PCDHA1: variants seen among roughly 807,000 people sequenced by gnomAD.
PCDHA1 encodes protocadherin alpha-1.
In PCDHA1, 42 loss-of-function variants were observed where a neutral mutation model predicts 61.3. That is an observed-to-expected ratio of 0.69 (90% confidence interval 0.54 to 0.89). The LOEUF (loss-of-function observed/expected upper bound fraction) is 0.89. PCDHA1 is among the 40% of genes least tolerant of loss of function. The pLI is 0.00. For missense variants in PCDHA1, 1,256 were observed against 1,235.3 expected, an observed-to-expected ratio of 1.02 and a Z score of -0.25; for synonymous variants, 610 against 553.8, an observed-to-expected ratio of 1.10 and a Z score of -1.43.
intron 1 of PCDHA1, chr5:140,853,528 C>A (rs75012399): frequency 0.045 from 43,855 of 978,338 alleles, 4,320 homozygotes; most frequent in Non-Finnish European, 0.05. Flanking sequence ...CCTCCTATGT[C>A]TCTTTTCAAG....
intron 1 of PCDHA1, chr5:140,835,180 C>A: frequency 6.6e-7 from 1 of 1,515,706 alleles, no homozygotes; most frequent in Non-Finnish European, 8.9e-7. Context: ...CACCCCAATG[C>A]CTCAGATTTA....
intron 3 of PCDHA1, among the ~76,000 whole-genome samples, chr5:141,007,961 C>G (rs1554261577): frequency 6.6e-6 from 1 of 152,176 alleles, no homozygotes; most frequent in East Asian, 1.9e-4. Flanking sequence ...TGCTCATTCT[C>G]TGGGTGTCTG....
At chr5:140,862,618 C>CCG in intron 1 of PCDHA1, 1 of 526,556 alleles carries the variant, frequency 1.9e-6, no homozygotes, top group Non-Finnish European at 3.9e-6. Context: ...AGGTAACAAC[C>CCG]CGCGGGGCTG....
intron 1 of PCDHA1, among the ~76,000 whole-genome samples, chr5:140,933,012 A>G (rs1554209160): frequency 6.6e-6 from 1 of 152,008 alleles, no homozygotes; most frequent in Middle Eastern, 3.2e-3. Flanking sequence ...CGGAAATATT[A>G]ACACTTGGCA....
chr5:140,910,200 A>C (rs1471024317), intron 1 of PCDHA1, among the ~76,000 whole-genome samples: 1 of 152,200 alleles, frequency 6.6e-6, no homozygotes, highest in East Asian at 1.9e-4. Flanking sequence ...TCTTTTGTCC[A>C]CTTGACCTGG....
Position 140,803,101 on chromosome 5 carries a change from G to A in PCDHA1, c.2394+14417G>A, listed in dbSNP as rs1763115114. 6 of 1,613,840 alleles carry A rather than the reference G, an allele frequency of 3.7e-6. No individual in the cohort carries two copies. In the East Asian group the frequency reaches 1.3e-4, roughly 36 times the overall value. On this transcript the variant is annotated intron_variant, in intron 1 of 3. Transcript: ENST00000504120. ...TACACGGGAGAGATCAGCACGACCC[G>A]TGCCCTGGACGAGGTGGACGCCCCG...
intron 1 of PCDHA1, among the ~76,000 whole-genome samples, chr5:140,885,615 AAT>A (rs1411025177): frequency 6.6e-6 from 1 of 152,162 alleles, no homozygotes; most frequent in African/African-American, 2.4e-5. Context: ...TTAATTATAA[AAT>A]ATGTCACTGG....
chr5:140,822,988 T>C, intron 1 of PCDHA1: 1 of 1,614,222 alleles, frequency 6.2e-7, no homozygotes, highest in South Asian at 1.1e-5. Context: ...GAATTACTAC[T>C]CGTTGGTGCT....
At chr5:140,954,623 G>C (rs1277762311) in intron 1 of PCDHA1, among the ~76,000 whole-genome samples, 2 of 151,776 alleles carry the variant, frequency 1.3e-5, no homozygotes, top group African/African-American at 4.8e-5. Flanking sequence ...GGCTTGTTTG[G>C]GTTTTTCTTG....
At chr5:140,882,543 G>T (rs1357197569) in intron 1 of PCDHA1, 4 of 1,614,236 alleles carry the variant, frequency 2.5e-6, no homozygotes, top group Non-Finnish European at 3.4e-6. Context: ...CGGATCGACC[G>T]CGAGGAGCTG....
At chr5:140,843,305 A>C (rs2150356964) in intron 1 of PCDHA1, 9 of 1,595,822 alleles carry the variant, frequency 5.6e-6, no homozygotes, top group Non-Finnish European at 7.7e-6. Flanking sequence ...GCTGACCGCC[A>C]CGGCCACGGT....
At chr5:140,915,622 T>TTCTC (rs1418940406) in intron 1 of PCDHA1, among the ~76,000 whole-genome samples, 2 of 128,520 alleles carry the variant, frequency 1.6e-5, no homozygotes, top group South Asian at 2.5e-4. Flanking sequence ...AACAGTCTCT[T>TTCTC]TCTGTCTCTC....
chr5:140,871,760 G>C lies in PCDHA1; in HGVS notation c.2394+83076G>C, dbSNP rs191249350. Among the ~76,000 whole-genome samples the C allele has an allele frequency of 5.4e-3, 815 of 152,314 alleles. 3 individuals are homozygous for C. Among genetic ancestry groups the C allele is most frequent in the Middle Eastern group, 0.014 (4 of 294 alleles). The stretch of plus-strand genomic sequence containing the variant: ...AAATCCTAAAAGAAATGAGATGCAA[G>C]AGTGACTCTTCTGTAGTCACTTGAG... On this transcript the variant is annotated intron_variant, in intron 1 of 3. Coordinates refer to ENST00000504120, the MANE Select transcript of PCDHA1 (RefSeq NM_018900.4).
intron 1 of PCDHA1, chr5:140,796,698 T>A (rs1554120057): frequency 1.2e-6 from 2 of 1,613,802 alleles, no homozygotes; most frequent in African/African-American, 2.7e-5. Flanking sequence ...GCGCAGTGAG[T>A]GAGCTGGTGC....
chr5:140,842,799 C>A, intron 1 of PCDHA1: 1 of 1,594,426 alleles, frequency 6.3e-7, no homozygotes, highest in Non-Finnish European at 8.6e-7. Flanking sequence ...GTGTCCTACT[C>A]GCTTGTGGAG....
chr5:140,910,055 T>A (rs1554194090), intron 1 of PCDHA1, among the ~76,000 whole-genome samples: 1 of 152,218 alleles, frequency 6.6e-6, no homozygotes, highest in Non-Finnish European at 1.5e-5. Flanking sequence ...TAATAAGTGA[T>A]CTTTTAACAG....
At chr5:140,859,573 C>T (rs1254151950) in intron 1 of PCDHA1, 4 of 174,136 alleles carry the variant, frequency 2.3e-5, no homozygotes, top group African/African-American at 9.5e-5. Flanking sequence ...ATGAATTTGT[C>T]ATCTTGCCTA....
chr5:140,921,102 T>G (rs1300756897), intron 1 of PCDHA1, among the ~76,000 whole-genome samples: 1 of 152,028 alleles, frequency 6.6e-6, no homozygotes, highest in Non-Finnish European at 1.5e-5. Context: ...TGCCTCAGTC[T>G]CCTAAGTAGC....
chr5:140,795,765 T>A (rs138887896), intron 1 of PCDHA1: 3 of 1,613,906 alleles, frequency 1.9e-6, no homozygotes, highest in Non-Finnish European at 1.7e-6. Context: ...TAAACGCTTC[T>A]GATGCAGATG....
Sources: allele counts gnomAD v4.1 joint callset (sites outside exome capture counted in the v4.1 genomes callset), GRCh38; gene constraint gnomAD v4.1.1; transcripts MANE v1.5; gene names NCBI Gene and HGNC (gene_info 2026-07-23, HGNC 2026-07-21).